The following GCN1 variants were observed in gnomAD, a reference collection of about 807,000 sequenced individuals.
GCN1 encodes GCN1 activator of EIF2AK4.
Under a neutral mutation model 288.4 loss-of-function variants are expected in GCN1, and 90 were observed. That is an observed-to-expected ratio of 0.31 (90% CI 0.26 to 0.37). The LOEUF is 0.37. Among genes scored for constraint, GCN1 ranks in the 10% least tolerant of loss-of-function variants. The pLI is 1.00. For synonymous variants in GCN1, 1,386 were observed against 1,420.2 expected (o/e 0.98, Z 0.54); for missense variants, 2,586 against 3,419.9 (o/e 0.76, Z 6.08).
At position 120,190,389 on chromosome 12, in the gene GCN1, T is replaced by C. The variant is rs1191315487; in HGVS notation, c.30A>G (p.Thr10=). 1.3e-6 allele frequency: 2 copies of C among 1,596,690 alleles called. No homozygotes were observed. Among genetic ancestry groups the C allele is most frequent in the Non-Finnish European group, 1.7e-6 (2 of 1,164,246 alleles). ...TCACCTTCCCTGCAAAACGCTTTAG[T>C]GTCTCGGAAACCTGTGAAGGCCAAG... MAADTQVSE[T]LKRFAGKVTT... The change falls in exon 2 of 58, where the codon ACA becomes ACG. Residue 10 remains threonine, a synonymous_variant. Transcript: ENST00000300648.
chr12:120,186,114 A>G (rs1339374973), intron 2 of GCN1, among the ~76,000 whole-genome samples: 3 of 151,956 alleles, frequency 2.0e-5, no homozygotes, highest in African/African-American at 4.8e-5. Context: ...TGGGAGGATA[A>G]CTTGAGGTCA....
intron 16 of GCN1, 138 bp downstream of exon 16, chr12:120,168,070 C>A: frequency 4.5e-6 from 3 of 667,490 alleles, no homozygotes; most frequent in Non-Finnish European, 8.1e-6. Flanking sequence ...ATTCCCACAA[C>A]AGCTAAGCTG....
chr12:120,178,640 C>G lies in GCN1; in HGVS notation c.645G>C (p.Val215=). 1 of 1,614,232 alleles carries G rather than the reference C, an allele frequency of 6.2e-7. No homozygotes were observed. Residue 215 remains valine (V), a synonymous_variant, in exon 7 of 58, where the codon GTG becomes GTC. Transcript: ENST00000300648. ...TGGCACTTGCCTTGTGCTGACTGAC[C>G]ACGTCCATCTCCTTGTGACTCGTGC... ...QFCTSHKEMD[V]VSQHKSALLD...
chr12:120,157,873 G>GT lies in GCN1; in HGVS notation c.3062dup (p.Asn1021LysfsTer53). 6.2e-7 allele frequency: 1 copy of GT among 1,613,894 alleles called. No homozygotes were observed. Among genetic ancestry groups the GT allele is most frequent in the Non-Finnish European group, 8.5e-7 (1 of 1,179,974 alleles). On this transcript the variant is annotated frameshift_variant, in exon 26 of 58. Coordinates refer to ENST00000300648, the MANE Select transcript of GCN1 (RefSeq NM_006836.2). LOFTEE classifies it high-confidence loss of function. ...CCTCGTCCACCCGCCCGGGTGGGGT[G>GT]TTGGGGGAGGCCCTCAGCTGGGCTT...
intron 5 of GCN1, 40 bp downstream of exon 5, chr12:120,183,529 A>G: frequency 1.6e-6 from 2 of 1,255,198 alleles, no homozygotes; most frequent in East Asian, 2.3e-5. Flanking sequence ...CTCCTGGCAG[A>G]AAGCTGACCC....
At position 120,138,753 on chromosome 12, in the gene GCN1, T is replaced by C; in HGVS notation, c.6098A>G (p.His2033Arg). 6.2e-7 allele frequency: 1 copy of C among 1,614,236 alleles called. No homozygotes were observed. The highest frequency in any genetic ancestry group is 1.1e-5 in the South Asian group (1 of 91,090). ...CAGAGCCTGGTGGCCGATGGTGGAA[T>C]GCAGCTGCTCGAAAGTCTTGGCTGC... is the stretch of plus-strand genomic sequence containing the variant. ...EAAAKTFEQL[H>R]STIGHQALED... Residue 2033 changes from histidine to arginine, a missense_variant, in exon 46 of 58, where the codon CAT becomes CGT. His to Arg is a conservative substitution (Grantham distance 29). Coordinates refer to ENST00000300648, the MANE Select transcript of GCN1 (RefSeq NM_006836.2).
chr12:120,166,478 G>A (rs1272043978), intron 16 of GCN1, among the ~76,000 whole-genome samples: 6 of 151,252 alleles, frequency 4.0e-5, no homozygotes, highest in Non-Finnish European at 7.4e-5. Flanking sequence ...GCCAAGGTGG[G>A]CGGATCATGA....
chr12:120,133,802 C>CTCAT (rs989773962), intron 53 of GCN1, among the ~76,000 whole-genome samples: 1 of 152,204 alleles, frequency 6.6e-6, no homozygotes, highest in Non-Finnish European at 1.5e-5. Flanking sequence ...GGCGCGGTGG[C>CTCAT]TCATGCCTGT....
chr12:120,137,483 C>T lies in GCN1; in HGVS notation c.6663+62G>A, dbSNP rs377677248. 50 of 1,563,280 alleles carry T rather than the reference C, an allele frequency of 3.2e-5. No homozygotes were observed. In the East Asian group the frequency reaches 5.6e-4, roughly 18 times the overall value. On this transcript the variant is annotated intron_variant, in intron 49 of 57. Coordinates refer to ENST00000300648, the MANE Select transcript of GCN1 (RefSeq NM_006836.2). This position sits in a 1 kb window ranked among gnomAD's most constrained non-coding sequence, Gnocchi z 5.2. ...CGTGGGGGATTCTTATAAGTCTATTCCTGTAAATGTCTGGAATTTTCTAAA... is the reference window on the plus strand; with the variant it reads ...CGTGGGGGATTCTTATAAGTCTATTTCTGTAAATGTCTGGAATTTTCTAAA...
chr12:120,149,448 G>C (rs1418158676), intron 36 of GCN1, among the ~76,000 whole-genome samples, 158 bp downstream of exon 36: 1 of 152,192 alleles, frequency 6.6e-6, no homozygotes, highest in African/African-American at 2.4e-5. Context: ...CTGGGTGATA[G>C]AGCAAGACTC....
At position 120,163,200 on chromosome 12, in the gene GCN1, G is replaced by A. The variant is rs1391713009; in HGVS notation, c.1908C>T (p.Ala636=). Residue 636 remains alanine (A), a synonymous_variant, in exon 19 of 58, where the codon GCC becomes GCT. Transcript: ENST00000300648. ...CCTGCAGGACCCGTGGAGGCACGTAGGCCTTGCCTGCCTCAGTCACCTCTC... is the reference window on the plus strand; with the variant it reads ...CCTGCAGGACCCGTGGAGGCACGTAAGCCTTGCCTGCCTCAGTCACCTCTC... ...DAGEVTEAGK[A]YVPPRVLQEA... 2 of 1,614,008 alleles carry A rather than the reference G, an allele frequency of 1.2e-6. No individual in the cohort carries two copies. The highest frequency in any genetic ancestry group is 1.7e-5 in the Admixed American group (1 of 60,034).
Position 120,174,099 on chromosome 12 carries a change from C to T in GCN1, c.1164G>A (p.Glu388=). 6.2e-7 allele frequency: 1 copy of T among 1,603,818 alleles called. No individual in the cohort carries two copies. The change falls in exon 13 of 58, where the codon GAG becomes GAA. Residue 388 remains glutamate (E), a synonymous_variant. Transcript: ENST00000300648. ...SSQVLNGIVA[E]LFIPFLQQEV... ...CCTGCTGAAGGAACGGGATGAACAG[C>T]TCAGCCACGATCCCATTCAGGACCT...
rs1415505840 is a variant in GCN1 at position 120,142,108 on chromosome 12, C to T, written c.5829+399G>A. Among the ~76,000 whole-genome samples the T allele has an allele frequency of 6.6e-6, 1 of 152,070 alleles. No homozygotes were observed. The highest frequency in any genetic ancestry group is 1.5e-5 in the Non-Finnish European group (1 of 68,030). ...TTGGGAGGCCGAGACGGGCGCATCA[C>T]GAGGTCAGGAGATCGAGACCGTCCT... On this transcript the variant is annotated intron_variant, in intron 44 of 57. Coordinates refer to ENST00000300648, the MANE Select transcript of GCN1 (RefSeq NM_006836.2). The surrounding 1 kb of genome is among the most constrained non-coding windows in gnomAD (Gnocchi z 4.9).
chr12:120,167,430 G>A (rs1251870644), intron 16 of GCN1, among the ~76,000 whole-genome samples: 1 of 150,644 alleles, frequency 6.6e-6, no homozygotes, highest in African/African-American at 2.4e-5. Context: ...AGAAAGCACA[G>A]TACATACGGC....
At position 120,173,514 on chromosome 12, in the gene GCN1, T is replaced by G. The variant is rs1201541081; in HGVS notation, c.1366+139A>C. The stretch of plus-strand genomic sequence containing the variant: ...AATTCGGATTTTGGGCTAAGCCCAA[T>G]GCTCTCATTTATTTCAGGAAGAATT... On this transcript the variant is annotated intron_variant, in intron 14 of 57. Transcript: ENST00000300648. The G allele has an allele frequency of 4.7e-6, 3 of 634,588 alleles. No homozygotes were observed. The East Asian group carries it at 8.1e-5, about 17-fold the overall frequency. The allele number at this position is 634,588 out of a possible 1,614,324, so 39.3% of individuals were successfully genotyped here.
At chr12:120,176,057 T>C in intron 10 of GCN1, 86 bp downstream of exon 10, 1 of 1,254,872 alleles carries the variant, frequency 8.0e-7, no homozygotes. Context: ...CCCTGAGCTG[T>C]CCCCTACCCC....
intron 51 of GCN1, 54 bp downstream of exon 51, chr12:120,136,448 C>G (rs142012395): frequency 1.5e-6 from 2 of 1,342,280 alleles, no homozygotes; most frequent in African/African-American, 2.9e-5. Context: ...TTGTATCAGG[C>G]TCCTGCAGAC....
chr12:120,167,227 C>A (rs990726634), intron 16 of GCN1, among the ~76,000 whole-genome samples: 1 of 151,182 alleles, frequency 6.6e-6, no homozygotes, highest in Non-Finnish European at 1.5e-5. Context: ...GTGGCACATG[C>A]CTGTAATCCC....
rs924208886 is a variant in GCN1 at position 120,158,136 on chromosome 12, C to T, written c.2906-106G>A. On this transcript the variant is annotated intron_variant, in intron 25 of 57. Coordinates refer to ENST00000300648, the MANE Select transcript of GCN1 (RefSeq NM_006836.2). The surrounding 1 kb of genome is among the most constrained non-coding windows in gnomAD (Gnocchi z 4.3). The stretch of plus-strand genomic sequence containing the variant: ...AAGTAGGGAACGGATGGACCAGAGG[C>T]CCGTTCTGACACCTGGAAGCACATG... The T allele has an allele frequency of 4.6e-6, 5 of 1,076,488 alleles. No homozygotes were observed. The highest frequency in any genetic ancestry group is 3.1e-5 in the African/African-American group (2 of 63,808). The allele number at this position is 1,076,488 out of a possible 1,614,324, so 66.7% of individuals were successfully genotyped here. A position where few individuals can be genotyped will look rare whatever the true frequency, so the allele number is the denominator to read the frequency against.
Sources: gnomAD v4.1 joint callset for allele counts (sites outside exome capture counted in the v4.1 genomes callset) on GRCh38, gnomAD v4.1.1 for gene constraint, Gnocchi (gnomAD v3.1) non-coding constraint, MANE v1.5 for transcripts, NCBI Gene and HGNC (gene_info 2026-07-23, HGNC 2026-07-21) for gene names.